The following FSHR variants were observed in gnomAD, a reference collection of about 807,000 sequenced individuals.
FSHR encodes follicle-stimulating hormone receptor.
FSHR carries 46 observed loss-of-function variants against 52.1 expected under a neutral mutation model. That is an observed-to-expected ratio of 0.88 (90% confidence interval 0.70 to 1.13). The LOEUF is 1.13. FSHR is among the 50% of genes most tolerant of loss of function. The pLI, the probability that FSHR is intolerant of heterozygous loss-of-function variation, is 0.00. For synonymous variants in FSHR, 399 were observed against 309.6 expected (o/e 1.29, Z -3.03); for missense variants, 964 against 834.6 (o/e 1.16, Z -1.91).
intron 1 of FSHR, among the ~76,000 whole-genome samples, chr2:49,113,198 C>T (rs1671485295): frequency 6.6e-6 from 1 of 152,166 alleles, no homozygotes; most frequent in Admixed American, 6.5e-5. Context: ...ACATGTGGGG[C>T]TCCAAGTCCC....
intron 1 of FSHR, among the ~76,000 whole-genome samples, chr2:49,109,549 T>G (rs1273686674): frequency 6.6e-6 from 1 of 152,012 alleles, no homozygotes; most frequent in African/African-American, 2.4e-5. Flanking sequence ...GTTCTGTTCA[T>G]AGAAAGGGGA....
intron 1 of FSHR, among the ~76,000 whole-genome samples, chr2:49,121,738 C>T (rs1453235421): frequency 6.6e-6 from 1 of 152,120 alleles, no homozygotes; most frequent in Non-Finnish European, 1.5e-5. Flanking sequence ...AGTTTGTCAC[C>T]CAAAAACTGG....
chr2:49,030,266 T>C (rs1220781231), intron 2 of FSHR, among the ~76,000 whole-genome samples: 1 of 139,680 alleles, frequency 7.2e-6, no homozygotes, highest in Non-Finnish European at 1.5e-5. Flanking sequence ...GCTAAAGGAA[T>C]AGCAAGTGTG....
In FSHR at chr2:49,144,694, T is replaced by A. The variant is rs191030835; in HGVS notation, c.152+9572A>T. On this transcript the variant is annotated intron_variant, in intron 1 of 9. Coordinates refer to ENST00000406846, the MANE Select transcript of FSHR (RefSeq NM_000145.4). ...GCTTGCCCACAAAACAAACAGCAATTCAATGAAGGTTTCTTCCTTTCCTGC... is the reference window on the plus strand; with the variant it reads ...GCTTGCCCACAAAACAAACAGCAATACAATGAAGGTTTCTTCCTTTCCTGC... Among the ~76,000 whole-genome samples, 159 of 152,288 alleles carry A rather than the reference T, an allele frequency of 1.0e-3. 1 individual carries two copies. Among genetic ancestry groups the A allele is most frequent in the African/African-American group, 3.7e-3 (155 of 41,568 alleles).
At chr2:48,996,475 C>A (rs1676027406) in intron 4 of FSHR, among the ~76,000 whole-genome samples, 1 of 152,024 alleles carries the variant, frequency 6.6e-6, no homozygotes, top group Admixed American at 6.6e-5. Context: ...ATATATGTTT[C>A]TATTTAAAGA....
chr2:49,023,045 G>A (rs72827267), intron 2 of FSHR, among the ~76,000 whole-genome samples: 2,288 of 152,212 alleles, frequency 0.015, 27 homozygotes, highest in East Asian at 0.048. Flanking sequence ...TATGCTACCA[G>A]ACTTTTTGAC....
chr2:49,059,802 C>A (rs369059186), intron 2 of FSHR: 1 of 151,654 alleles, frequency 6.6e-6, no homozygotes, highest in Admixed American at 6.6e-5. Context: ...ACTTTGGTTT[C>A]GGAAAAGATT....
intron 2 of FSHR, among the ~76,000 whole-genome samples, chr2:49,061,246 G>A (rs1427880682): frequency 6.6e-6 from 1 of 152,046 alleles, no homozygotes; most frequent in Non-Finnish European, 1.5e-5. Flanking sequence ...AAGACCATAA[G>A]CCTGGGACCC....
At chr2:49,099,940 T>C (rs1226947117) in intron 1 of FSHR, among the ~76,000 whole-genome samples, 2 of 152,144 alleles carry the variant, frequency 1.3e-5, no homozygotes, top group Non-Finnish European at 2.9e-5. Flanking sequence ...ATTAATATAA[T>C]GTATAATGAG....
intron 1 of FSHR, among the ~76,000 whole-genome samples, chr2:49,120,129 G>A (rs137917023): frequency 6.6e-6 from 1 of 152,266 alleles, no homozygotes; most frequent in African/African-American, 2.4e-5. Context: ...AAATTATCTG[G>A]GCATGGTGGT....
intron 2 of FSHR, among the ~76,000 whole-genome samples, chr2:49,053,512 A>C (rs1668943701): frequency 1.3e-5 from 2 of 152,208 alleles, no homozygotes; most frequent in Admixed American, 1.3e-4. Flanking sequence ...AACAGTTTAC[A>C]GTGCACTTTG....
intron 1 of FSHR, among the ~76,000 whole-genome samples, chr2:49,136,117 A>C (rs1430159355): frequency 6.6e-6 from 1 of 152,166 alleles, no homozygotes; most frequent in Non-Finnish European, 1.5e-5. Flanking sequence ...GACAAACTTT[A>C]GATAGAATGA....
At chr2:49,070,431 A>G (rs1051816940) in intron 1 of FSHR, among the ~76,000 whole-genome samples, 1 of 152,174 alleles carries the variant, frequency 6.6e-6, no homozygotes, top group African/African-American at 2.4e-5. Context: ...CTTAGTTAAT[A>G]CATACAAGTT....
intron 4 of FSHR, among the ~76,000 whole-genome samples, chr2:49,015,665 G>C (rs1667461084): frequency 6.6e-6 from 1 of 152,146 alleles, no homozygotes; most frequent in Non-Finnish European, 1.5e-5. Context: ...AGCCTCTGCA[G>C]AGAGCATAGC....
chr2:49,029,611 G>T, intron 2 of FSHR, among the ~76,000 whole-genome samples: 1 of 152,212 alleles, frequency 6.6e-6, no homozygotes, highest in East Asian at 1.9e-4. Flanking sequence ...ATCCTTTGTA[G>T]TTGGCTGGGC....
In FSHR at chr2:49,133,151, C is replaced by T. The variant is rs1672354080; in HGVS notation, c.152+21115G>A. ...GACTTTCTTCCCAAGATAAGGAGGA[C>T]TTCAGCATTTCTCATCCTTATCCCA... On this transcript the variant is annotated intron_variant, in intron 1 of 9. Transcript: ENST00000406846. 3.9e-5 allele frequency among the ~76,000 whole-genome samples: 6 copies of T among 152,254 alleles called. 1 individual carries two copies. The South Asian group carries it at 1.0e-3, about 26-fold the overall frequency.
intron 2 of FSHR, among the ~76,000 whole-genome samples, chr2:49,046,507 T>TAAGATA: frequency 6.6e-6 from 1 of 152,320 alleles, no homozygotes; most frequent in South Asian, 2.1e-4. Context: ...GATAGTAAGA[T>TAAGATA]TCTTATGATC....
At chr2:49,130,724 A>T (rs113275660) in intron 1 of FSHR, among the ~76,000 whole-genome samples, 1 of 152,184 alleles carries the variant, frequency 6.6e-6, no homozygotes, top group African/African-American at 2.4e-5. Flanking sequence ...CCTTTAAACA[A>T]TCTTTAGGAA....
chr2:49,133,270 C>G (rs1572790057), intron 1 of FSHR, among the ~76,000 whole-genome samples: 3 of 152,208 alleles, frequency 2.0e-5, no homozygotes, highest in Admixed American at 1.3e-4. Context: ...AAGCAAGGCT[C>G]TACCTTGACC....
Sources: allele counts gnomAD v4.1 joint callset (sites outside exome capture counted in the v4.1 genomes callset), GRCh38; gene constraint gnomAD v4.1.1; transcripts MANE v1.5; gene names NCBI Gene and HGNC (gene_info 2026-07-23, HGNC 2026-07-21).